Variants in PTPRD observed in about 807,000 individuals in gnomAD.
PTPRD encodes protein tyrosine phosphatase receptor type D, also known as receptor-type tyrosine-protein phosphatase delta.
In PTPRD, 34 loss-of-function variants were observed where a neutral mutation model predicts 214.5. The ratio of observed to expected loss-of-function variants is 0.16; its 90% CI spans 0.12 to 0.21. The LOEUF (loss-of-function observed/expected upper bound fraction) is 0.21, where lower values mean the gene tolerates loss of function less well. Ranked by LOEUF, PTPRD falls within the 10% of genes least tolerant of loss-of-function variation. The pLI, the probability that PTPRD is intolerant of heterozygous loss-of-function variation, is 1.00. For synonymous variants in PTPRD, 1,128 were observed against 845.7 expected, an observed-to-expected ratio of 1.33 and a Z score of -5.79; for missense variants, 2,545 against 2,398.7, an observed-to-expected ratio of 1.06 and a Z score of -1.27.
chr9:8,372,738 A>G (rs932971155), intron 39 of PTPRD, among the ~76,000 whole-genome samples: 2 of 152,006 alleles, frequency 1.3e-5, no homozygotes, highest in African/African-American at 4.8e-5. Context: ...GCTATCCCTA[A>G]AATTCTTTTT....
chr9:8,529,829 T>C (rs986066267), intron 14 of PTPRD, among the ~76,000 whole-genome samples: 2 of 152,146 alleles, frequency 1.3e-5, no homozygotes, highest in Admixed American at 6.6e-5. Context: ...CTAGGGTACA[T>C]ATGCACAACG....
At chr9:9,360,769 G>C (rs558696543) in intron 9 of PTPRD, among the ~76,000 whole-genome samples, 1 of 151,156 alleles carries the variant, frequency 6.6e-6, no homozygotes, top group South Asian at 2.1e-4. Context: ...TAGCTTTACA[G>C]TTTTTAATAA....
intron 2 of PTPRD, among the ~76,000 whole-genome samples, chr9:10,388,735 T>C (rs779193575): frequency 1.3e-5 from 2 of 151,856 alleles, no homozygotes; most frequent in Non-Finnish European, 2.9e-5. Flanking sequence ...TCATGTCACT[T>C]AACTTTGATA....
At chr9:9,068,289 G>A (rs1353938983) in intron 10 of PTPRD, among the ~76,000 whole-genome samples, 1 of 152,078 alleles carries the variant, frequency 6.6e-6, no homozygotes, top group Non-Finnish European at 1.5e-5. Flanking sequence ...TTAGCTACTA[G>A]AAATAAAATT....
At chr9:10,452,908 T>C (rs1360383955) in intron 2 of PTPRD, among the ~76,000 whole-genome samples, 4 of 151,768 alleles carry the variant, frequency 2.6e-5, no homozygotes, top group African/African-American at 9.7e-5. Context: ...GAAGAGCATA[T>C]CAATGAGCAT....
intron 39 of PTPRD, among the ~76,000 whole-genome samples, chr9:8,355,826 T>A (rs996352470): frequency 2.0e-5 from 3 of 152,184 alleles, no homozygotes; most frequent in Admixed American, 6.5e-5. Flanking sequence ...ATTGTGCATT[T>A]CCAACAAGTT....
At chr9:9,828,910 T>G (rs931895432) in intron 5 of PTPRD, among the ~76,000 whole-genome samples, 3 of 151,936 alleles carry the variant, frequency 2.0e-5, no homozygotes, top group African/African-American at 2.4e-5. Context: ...GCTGTTTCAA[T>G]TGAAATTTTT....
At chr9:10,224,905 G>T (rs1234985514) in intron 3 of PTPRD, among the ~76,000 whole-genome samples, 5 of 152,066 alleles carry the variant, frequency 3.3e-5, no homozygotes, top group East Asian at 1.9e-4. Flanking sequence ...GTAACTTATT[G>T]TAAGAATACA....
At chr9:9,246,182 G>A (rs1159331567) in intron 9 of PTPRD, among the ~76,000 whole-genome samples, 1 of 152,022 alleles carries the variant, frequency 6.6e-6, no homozygotes, top group Non-Finnish European at 1.5e-5. Context: ...CTAGCTCATT[G>A]TTTTTGCAGG....
At chr9:9,981,271 T>A (rs1053631344) in intron 4 of PTPRD, among the ~76,000 whole-genome samples, 1 of 152,146 alleles carries the variant, frequency 6.6e-6, no homozygotes. Flanking sequence ...AACGCAGTTT[T>A]AACTTTAAAA....
intron 9 of PTPRD, among the ~76,000 whole-genome samples, chr9:9,353,550 G>C (rs895801352): frequency 6.6e-6 from 1 of 151,398 alleles, no homozygotes; most frequent in Non-Finnish European, 1.5e-5. Context: ...ATTTAATTTT[G>C]CCTTAATTTC....
At chr9:8,635,467 T>C (rs1350591057) in intron 13 of PTPRD, among the ~76,000 whole-genome samples, 1 of 152,086 alleles carries the variant, frequency 6.6e-6, no homozygotes, top group Non-Finnish European at 1.5e-5. Context: ...AATAATCAAG[T>C]ATTTGATTTT....
chr9:9,978,298 G>A (rs975757822), intron 4 of PTPRD, among the ~76,000 whole-genome samples: 9 of 151,968 alleles, frequency 5.9e-5, no homozygotes, highest in Admixed American at 1.3e-4. Context: ...TGACAATCTA[G>A]TAAAAAAGGT....
chr9:8,639,009 A>AT (rs1293459151), intron 12 of PTPRD, among the ~76,000 whole-genome samples: 1 of 151,906 alleles, frequency 6.6e-6, no homozygotes, highest in African/African-American at 2.4e-5. Context: ...CGCTCAGCTA[A>AT]TTTTTGTATT....
intron 3 of PTPRD, among the ~76,000 whole-genome samples, chr9:10,047,860 G>C (rs2097435482): frequency 6.6e-6 from 1 of 151,966 alleles, no homozygotes; most frequent in Non-Finnish European, 1.5e-5. Context: ...TGGTTAAATG[G>C]GCTAATAGAG....
chr9:9,158,190 T>C (rs1388736207), intron 10 of PTPRD, among the ~76,000 whole-genome samples: 2 of 152,228 alleles, frequency 1.3e-5, no homozygotes, highest in Admixed American at 1.3e-4. Context: ...CATGTATCTT[T>C]ATAACAGAAT....
At chr9:9,605,031 CTT>C in intron 7 of PTPRD, among the ~76,000 whole-genome samples, 1 of 152,010 alleles carries the variant, frequency 6.6e-6, no homozygotes, top group Non-Finnish European at 1.5e-5. Flanking sequence ...AGATTGTTGC[CTT>C]TTTATTTCTT....
intron 9 of PTPRD, among the ~76,000 whole-genome samples, chr9:9,340,276 T>C (rs139659544): frequency 2.2e-4 from 33 of 152,308 alleles, no homozygotes; most frequent in African/African-American, 7.5e-4. Flanking sequence ...TCCATGATAC[T>C]ATGTGCATAT....
intron 35 of PTPRD, among the ~76,000 whole-genome samples, chr9:8,418,552 A>C (rs1384647626): frequency 6.6e-6 from 1 of 151,574 alleles, no homozygotes; most frequent in Admixed American, 6.6e-5. Flanking sequence ...GTGCATGTAA[A>C]ATGTATGTAA....
Sources: allele counts gnomAD v4.1 joint callset (sites outside exome capture counted in the v4.1 genomes callset), GRCh38; gene constraint gnomAD v4.1.1; transcripts MANE v1.5; gene names NCBI Gene and HGNC (gene_info 2026-07-23, HGNC 2026-07-21).